MTHFD2L: variants seen among roughly 807,000 people sequenced by gnomAD.
MTHFD2L encodes bifunctional methylenetetrahydrofolate dehydrogenase/cyclohydrolase 2, mitochondrial.
In MTHFD2L, 29 loss-of-function variants were observed where a neutral mutation model predicts 34.9. The observed-to-expected ratio is 0.83, with a 90% confidence interval of 0.62 to 1.13. The LOEUF is 1.13. Ranked by LOEUF, MTHFD2L falls within the 50% of genes most tolerant of loss-of-function variation. The pLI is 0.00. For missense variants in MTHFD2L, 481 were observed against 446.5 expected, an observed-to-expected ratio of 1.08 and a Z score of -0.70; for synonymous variants, 167 against 155.7, an observed-to-expected ratio of 1.07 and a Z score of -0.54.
At chr4:74,285,603 TTAC>T (rs1368185170) in intron 7 of MTHFD2L, among the ~76,000 whole-genome samples, 6 of 152,246 alleles carry the variant, frequency 3.9e-5, no homozygotes, top group African/African-American at 1.4e-4. Context: ...AATATTAATT[TTAC>T]TACTATTTTT....
At chr4:74,293,476 T>C in intron 7 of MTHFD2L, 2 of 970,956 alleles carry the variant, frequency 2.1e-6, no homozygotes, top group Non-Finnish European at 2.4e-6. Flanking sequence ...CTCTATTTCA[T>C]TACTGACCAC....
At chr4:74,190,106 A>C (rs1342388219) in intron 3 of MTHFD2L, among the ~76,000 whole-genome samples, 3 of 152,124 alleles carry the variant, frequency 2.0e-5, no homozygotes, top group African/African-American at 4.8e-5. Context: ...CAAGATTCCC[A>C]AAAAAACATC....
At chr4:74,297,337 G>A (rs1449426969) in intron 7 of MTHFD2L, among the ~76,000 whole-genome samples, 1 of 151,982 alleles carries the variant, frequency 6.6e-6, no homozygotes, top group Non-Finnish European at 1.5e-5. Flanking sequence ...CTAAAATCAT[G>A]TTGACTTTGT....
At chr4:74,159,770 A>G (rs1725006787) in intron 1 of MTHFD2L, among the ~76,000 whole-genome samples, 1 of 152,202 alleles carries the variant, frequency 6.6e-6, no homozygotes, top group Admixed American at 6.5e-5. Context: ...TATTATCCCT[A>G]TGCACTGTAA....
At chr4:74,144,075 T>C (rs1271024394) in intron 1 of MTHFD2L, among the ~76,000 whole-genome samples, 3 of 152,234 alleles carry the variant, frequency 2.0e-5, no homozygotes, top group African/African-American at 7.2e-5. Context: ...TATCCTGCCA[T>C]TATGCTAAAC....
chr4:74,240,424 G>A (rs937001147), intron 6 of MTHFD2L, among the ~76,000 whole-genome samples: 9 of 152,022 alleles, frequency 5.9e-5, no homozygotes, highest in African/African-American at 1.4e-4. Context: ...ATTTATGATC[G>A]CAAAAAGTGG....
At position 74,158,254 on chromosome 4, in the gene MTHFD2L, T is replaced by A. The variant is rs766671502; in HGVS notation, c.116T>A (p.Phe39Tyr). ...GCACCGGGAGAGCCCGGGAGTGCGT[T>A]CCGGGGCTTTCGGAGCAGCGGTGTG... ...VRAPGEPGSA[F>Y]RGFRSSGVRH... The change falls in exon 1 of 8, where the codon TTC (phenylalanine) becomes TAC (tyrosine). Residue 39 changes from phenylalanine to tyrosine, a missense_variant. Physicochemically the swap from Phe to Tyr is conservative, Grantham distance 22 (BLOSUM62 3). Coordinates refer to ENST00000325278, the MANE Select transcript of MTHFD2L (RefSeq NM_001144978.3). 3.8e-4 allele frequency: 552 copies of A among 1,459,780 alleles called. 1 individual carries two copies. The highest frequency in any genetic ancestry group is 4.8e-4 in the Non-Finnish European group (531 of 1,107,852). 90.4% of individuals were successfully genotyped at this position (1,459,780 alleles called of 1,614,324 possible).
intron 6 of MTHFD2L, among the ~76,000 whole-genome samples, chr4:74,245,191 T>C: frequency 1.5e-5 from 1 of 66,148 alleles, no homozygotes; most frequent in African/African-American, 6.5e-5. Flanking sequence ...TGAGACTCAG[T>C]CTCAAAAAAA....
intron 3 of MTHFD2L, among the ~76,000 whole-genome samples, chr4:74,186,408 T>C (rs1196344420): frequency 7.6e-6 from 1 of 131,324 alleles, no homozygotes; most frequent in Non-Finnish European, 1.6e-5. Flanking sequence ...GATGACATGA[T>C]TGTCCCATGG....
chr4:74,250,458 T>A (rs1743147222), intron 6 of MTHFD2L, among the ~76,000 whole-genome samples: 1 of 152,130 alleles, frequency 6.6e-6, no homozygotes, highest in South Asian at 2.1e-4. Context: ...AAATGTAGAC[T>A]CCATTAGGGA....
chr4:74,157,863 G>T, upstream of MTHFD2L: 1 of 627,806 alleles, frequency 1.6e-6, no homozygotes, highest in Admixed American at 2.1e-5. Flanking sequence ...GCTGGGTGCG[G>T]GGCCCAGTCG....
intron 6 of MTHFD2L, among the ~76,000 whole-genome samples, chr4:74,265,631 A>G (rs1249546429): frequency 6.6e-6 from 1 of 152,208 alleles, no homozygotes; most frequent in Admixed American, 6.5e-5. Flanking sequence ...TAAGCTGGAA[A>G]ACCTGAAATC....
At chr4:74,275,338 G>T (rs1403560259) in intron 6 of MTHFD2L, among the ~76,000 whole-genome samples, 2 of 152,070 alleles carry the variant, frequency 1.3e-5, no homozygotes, top group African/African-American at 4.8e-5. Flanking sequence ...TCTTTATCCA[G>T]TCCATCATTG....
chr4:74,248,357 T>C (rs1742791852), intron 6 of MTHFD2L, among the ~76,000 whole-genome samples: 1 of 152,234 alleles, frequency 6.6e-6, no homozygotes, highest in Admixed American at 6.5e-5. Flanking sequence ...TGCGTCTATT[T>C]GATTCTTCTC....
At chr4:74,116,199 G>A (rs867910725) in intron 2 of MTHFD2L, among the ~76,000 whole-genome samples, 8 of 152,270 alleles carry the variant, frequency 5.3e-5, no homozygotes, top group Admixed American at 1.3e-4. Flanking sequence ...GCATCAGAAC[G>A]CTGAGTGAGT....
intron 3 of MTHFD2L, among the ~76,000 whole-genome samples, chr4:74,193,115 T>C (rs75462228): frequency 0.026 from 3,903 of 152,314 alleles, 80 homozygotes; most frequent in Non-Finnish European, 0.039. Flanking sequence ...TTCTAGTTAA[T>C]TTTTCTGTGT....
intron 3 of MTHFD2L, chr4:74,180,816 C>T (rs924060985): frequency 1.6e-5 from 5 of 309,502 alleles, no homozygotes; most frequent in Non-Finnish European, 2.9e-5. Context: ...CTTTCCTACT[C>T]CTGTCCTGAC....
intron 6 of MTHFD2L, chr4:74,267,992 C>T (rs752428013): frequency 6.7e-5 from 66 of 985,058 alleles, no homozygotes; most frequent in Non-Finnish European, 7.2e-5. Context: ...CAGATATTGT[C>T]CTTGGCATGA....
chr4:74,119,170 C>T (rs999180701), upstream of MTHFD2L, among the ~76,000 whole-genome samples: 6 of 152,172 alleles, frequency 3.9e-5, no homozygotes, highest in African/African-American at 1.4e-4. Flanking sequence ...ACAGCTGCAT[C>T]TGGTTGCTGG....
Sources: gnomAD v4.1 joint callset for allele counts (sites outside exome capture counted in the v4.1 genomes callset) on GRCh38, gnomAD v4.1.1 for gene constraint, MANE v1.5 for transcripts, NCBI Gene and HGNC (gene_info 2026-07-23, HGNC 2026-07-21) for gene names.